VAT1L: variants seen among roughly 807,000 people sequenced by gnomAD.
VAT1L encodes vesicle amine transport 1 like, also known as putative NADPH-dependent quinone oxidoreductase VAT1L.
Under a neutral mutation model 44.1 loss-of-function variants are expected in VAT1L, and 34 were observed. That is an observed-to-expected ratio of 0.77 (90% confidence interval 0.59 to 1.03). The LOEUF (loss-of-function observed/expected upper bound fraction) is 1.03, where lower values mean the gene tolerates loss of function less well. Ranked by LOEUF, VAT1L falls within the 50% of genes least tolerant of loss-of-function variation. The probability of loss-of-function intolerance (pLI) is 0.00; values close to 1 mark genes in which losing one functional copy is unlikely to be tolerated. For synonymous variants in VAT1L, 253 were observed against 202.2 expected (o/e 1.25, Z -2.13); for missense variants, 615 against 538.8 (o/e 1.14, Z -1.40).
rs1366336298 is a variant in VAT1L, at chr16:77,977,901, T to G, written c.*206T>G. 4 of 544,342 alleles carry G rather than the reference T, an allele frequency of 7.3e-6. No homozygotes were observed. The highest frequency in any genetic ancestry group is 3.1e-5 in the Admixed American group (1 of 32,636). 33.7% of individuals were successfully genotyped at this position (544,342 alleles called of 1,614,324 possible). A position where few individuals can be genotyped will look rare whatever the true frequency, so the allele number is the denominator to read the frequency against. Reference sequence around the variant, plus strand: ...TGCAGTATTATGTCCCTCTCCTATCTGTGTATTACACATTCCCCTCTCCCC... The same window carrying G: ...TGCAGTATTATGTCCCTCTCCTATCGGTGTATTACACATTCCCCTCTCCCC... On this transcript the variant is annotated 3_prime_UTR_variant, in exon 9 of 9. Transcript: ENST00000302536.
intron 3 of VAT1L, among the ~76,000 whole-genome samples, chr16:77,835,357 G>A (rs902729797): frequency 6.6e-6 from 1 of 152,042 alleles, no homozygotes; most frequent in Non-Finnish European, 1.5e-5. Context: ...CAGATTTTTT[G>A]GCTGCCTCTG....
intron 3 of VAT1L, among the ~76,000 whole-genome samples, chr16:77,860,600 T>C (rs2016905666): frequency 1.3e-5 from 2 of 152,286 alleles, no homozygotes; most frequent in South Asian, 4.2e-4. Context: ...AGTAAGAAGG[T>C]TATCTCAAGC....
chr16:77,868,317 A>G (rs533673502), intron 4 of VAT1L, among the ~76,000 whole-genome samples: 6 of 152,294 alleles, frequency 3.9e-5, no homozygotes, highest in South Asian at 4.1e-4. Flanking sequence ...ATGGAGTACC[A>G]TCTATATTAG....
chr16:77,826,779 G>A (rs915720200), intron 3 of VAT1L, among the ~76,000 whole-genome samples: 18 of 152,298 alleles, frequency 1.2e-4, no homozygotes, highest in Middle Eastern at 6.8e-3. Flanking sequence ...CACATAACAT[G>A]TTCTAGACTC....
chr16:77,816,343 A>G lies in VAT1L; in HGVS notation c.234-578A>G, dbSNP rs1344096448. ...AGTCCCCTCTCCTCCAGTGGAACATAATGTAATCTCCTGATGGCTTATATT... is the reference window on the plus strand; with the variant it reads ...AGTCCCCTCTCCTCCAGTGGAACATGATGTAATCTCCTGATGGCTTATATT... On this transcript the variant is annotated intron_variant, in intron 1 of 8. Transcript: ENST00000302536. Among the ~76,000 whole-genome samples the G allele has an allele frequency of 3.3e-5, 5 of 152,176 alleles. No homozygotes were observed. In the East Asian group the frequency reaches 9.6e-4, roughly 29 times the overall value.
chr16:77,816,834 A>G (rs551113820), intron 1 of VAT1L, 87 bp from the exon 2 acceptor site: 4 of 1,448,312 alleles, frequency 2.8e-6, no homozygotes, highest in African/African-American at 1.4e-5. Context: ...GAAAGGAGGA[A>G]AAGAAAAGAA....
chr16:77,862,809 C>G lies in VAT1L; in HGVS notation c.641C>G (p.Ser214Cys), dbSNP rs539740762. ...VPNVTVFGTA[S>C]TFKHEAIKDS... ...AACGTGACTGTCTTTGGAACAGCCTCTACTTTCAAGCATGAAGCAATCAAA... is the reference window on the plus strand; with the variant it reads ...AACGTGACTGTCTTTGGAACAGCCTGTACTTTCAAGCATGAAGCAATCAAA... Residue 214 changes from serine to cysteine, a missense_variant, in exon 4 of 9, where the codon TCT becomes TGT. Transcript: ENST00000302536. 3 of 1,614,030 alleles carry G rather than the reference C, an allele frequency of 1.9e-6. No homozygotes were observed. The highest frequency in any genetic ancestry group is 2.5e-6 in the Non-Finnish European group (3 of 1,180,000).
intron 7 of VAT1L, among the ~76,000 whole-genome samples, chr16:77,960,768 C>G (rs1597122358): frequency 6.6e-6 from 1 of 152,246 alleles, no homozygotes; most frequent in South Asian, 2.1e-4. Flanking sequence ...AGGACCCCTC[C>G]TCAGCCCTGA....
chr16:77,972,587 C>T (rs933994701), intron 8 of VAT1L, among the ~76,000 whole-genome samples: 14 of 151,790 alleles, frequency 9.2e-5, no homozygotes, highest in African/African-American at 3.4e-4. Flanking sequence ...TTGAGACCAG[C>T]CTGGCCAAGA....
intron 4 of VAT1L, among the ~76,000 whole-genome samples, chr16:77,873,594 C>G (rs781449282): frequency 6.6e-6 from 1 of 152,076 alleles, no homozygotes; most frequent in Non-Finnish European, 1.5e-5. Flanking sequence ...CAAACATGGT[C>G]CAAGGGGCTT....
chr16:77,867,583 T>C (rs941401447), intron 4 of VAT1L, among the ~76,000 whole-genome samples: 3 of 151,962 alleles, frequency 2.0e-5, no homozygotes, highest in East Asian at 3.9e-4. Flanking sequence ...AAGGCCAGGC[T>C]TTGGTGGCTC....
chr16:77,868,921 G>A (rs2017002719), intron 4 of VAT1L, among the ~76,000 whole-genome samples: 6 of 152,164 alleles, frequency 3.9e-5, no homozygotes. Flanking sequence ...TGAAACGACT[G>A]CAGACCCTGG....
intron 7 of VAT1L, among the ~76,000 whole-genome samples, chr16:77,935,970 A>G (rs561139164): frequency 3.2e-4 from 48 of 152,292 alleles, no homozygotes; most frequent in Non-Finnish European, 6.5e-4. Flanking sequence ...TCTCCAGAGC[A>G]TCCTGCTTCT....
intron 7 of VAT1L, among the ~76,000 whole-genome samples, chr16:77,943,299 C>T (rs1457436159): frequency 1.4e-5 from 2 of 147,920 alleles, no homozygotes; most frequent in African/African-American, 2.5e-5. Context: ...TCAGGTGATC[C>T]ACCCGCCTCA....
At chr16:77,974,479 G>A (rs145641029) in intron 8 of VAT1L, among the ~76,000 whole-genome samples, 34 of 152,336 alleles carry the variant, frequency 2.2e-4, no homozygotes, top group African/African-American at 7.7e-4. Flanking sequence ...TACTGGAGCA[G>A]ATGCTGAAAA....
intron 7 of VAT1L, among the ~76,000 whole-genome samples, chr16:77,962,826 G>A (rs1036278101): frequency 6.6e-6 from 1 of 152,014 alleles, no homozygotes; most frequent in Admixed American, 6.6e-5. Flanking sequence ...CATGCCTGCA[G>A]TCTCAGCTAC....
chr16:77,805,543 G>A (rs562868384), intron 1 of VAT1L, among the ~76,000 whole-genome samples: 2 of 150,910 alleles, frequency 1.3e-5, no homozygotes, highest in African/African-American at 4.9e-5. Context: ...TAAGCAAAGA[G>A]CACACCTTCC....
intron 3 of VAT1L, among the ~76,000 whole-genome samples, chr16:77,833,397 C>T (rs777933800): frequency 4.6e-5 from 7 of 152,308 alleles, no homozygotes; most frequent in South Asian, 2.1e-4. Context: ...TGGCATTTAA[C>T]GCTAATCTGT....
chr16:77,829,478 A>C (rs912562286), intron 3 of VAT1L, among the ~76,000 whole-genome samples: 3 of 152,204 alleles, frequency 2.0e-5, no homozygotes, highest in African/African-American at 4.8e-5. Flanking sequence ...ATGGAAAAAT[A>C]ATTCAATCTG....
Sources: allele counts gnomAD v4.1 joint callset (sites outside exome capture counted in the v4.1 genomes callset), GRCh38; gene constraint gnomAD v4.1.1; transcripts MANE v1.5; gene names NCBI Gene and HGNC (gene_info 2026-07-23, HGNC 2026-07-21).